The following NTRK3 variants were observed in gnomAD, a reference collection of about 807,000 sequenced individuals.
NTRK3 encodes the protein NT-3 growth factor receptor.
Under a neutral mutation model 91.7 loss-of-function variants are expected in NTRK3, and 24 were observed. That is an observed-to-expected ratio of 0.26 (90% CI 0.19 to 0.37). The LOEUF is 0.37. Ranked by LOEUF, NTRK3 falls within the 10% of genes least tolerant of loss-of-function variation. The probability of loss-of-function intolerance (pLI) is 1.00; values close to 1 mark genes in which losing one functional copy is unlikely to be tolerated. For synonymous variants in NTRK3, 483 were observed against 404.0 expected (o/e 1.20, Z -2.34); for missense variants, 880 against 1,068.9 (o/e 0.82, Z 2.46).
intron 10 of NTRK3, among the ~76,000 whole-genome samples, chr15:88,130,186 C>T (rs187258009): frequency 2.0e-5 from 3 of 152,288 alleles, no homozygotes; most frequent in African/African-American, 4.8e-5. Context: ...CAAACGAATA[C>T]ATGAATTACC....
intron 13 of NTRK3, among the ~76,000 whole-genome samples, chr15:88,087,142 C>T (rs184943335): frequency 4.6e-5 from 7 of 152,284 alleles, no homozygotes; most frequent in African/African-American, 1.2e-4. Flanking sequence ...TAACAATTAA[C>T]GGTACACAGC....
chr15:88,041,945 CAG>C (rs2079667618), intron 13 of NTRK3, among the ~76,000 whole-genome samples: 2 of 151,750 alleles, frequency 1.3e-5, no homozygotes, highest in Admixed American at 1.3e-4. Flanking sequence ...TTCTGTTCCA[CAG>C]AGTCAGATCA....
At chr15:88,245,271 G>A (rs187269197) in intron 3 of NTRK3, among the ~76,000 whole-genome samples, 1 of 152,284 alleles carries the variant, frequency 6.6e-6, no homozygotes, top group East Asian at 1.9e-4. Flanking sequence ...CTTGGCTTCT[G>A]TGGAGCCATC....
intron 17 of NTRK3, among the ~76,000 whole-genome samples, chr15:87,901,868 C>G (rs1181476977): frequency 6.6e-6 from 1 of 151,912 alleles, no homozygotes; most frequent in Non-Finnish European, 1.5e-5. Context: ...AAGTCTTGTA[C>G]CCAAATTATT....
chr15:88,129,557 T>C (rs2053608799), intron 10 of NTRK3, among the ~76,000 whole-genome samples: 1 of 152,332 alleles, frequency 6.6e-6, no homozygotes, highest in African/African-American at 2.4e-5. Context: ...AGCACCCAGA[T>C]GGTGATTGCT....
intron 5 of NTRK3, among the ~76,000 whole-genome samples, 191 bp downstream of exon 5, chr15:88,183,227 C>T (rs138312844): frequency 9.2e-4 from 140 of 152,200 alleles, no homozygotes; most frequent in African/African-American, 3.3e-3. Context: ...TTCCTTCTGA[C>T]AGGAAACTTA....
intron 13 of NTRK3, among the ~76,000 whole-genome samples, chr15:88,045,767 G>T (rs977909198): frequency 1.3e-5 from 2 of 152,170 alleles, no homozygotes; most frequent in African/African-American, 2.4e-5. Flanking sequence ...GCATGTTAAT[G>T]CATCACTCTG....
chr15:88,072,003 TC>T (rs1482364884), intron 13 of NTRK3, among the ~76,000 whole-genome samples: 4 of 146,870 alleles, frequency 2.7e-5, no homozygotes, highest in Non-Finnish European at 4.5e-5. Flanking sequence ...AAATCAAACA[TC>T]TTTTTTTTTT....
At chr15:88,045,164 T>C (rs1320776187) in intron 13 of NTRK3, among the ~76,000 whole-genome samples, 1 of 152,224 alleles carries the variant, frequency 6.6e-6, no homozygotes, top group Non-Finnish European at 1.5e-5. Flanking sequence ...ACCCTGTGTC[T>C]GTGGCAAGGA....
exon 19 of NTRK3, chr15:87,862,683 A>G (rs1404644824): frequency 4.4e-6 from 1 of 229,402 alleles, no homozygotes; most frequent in Non-Finnish European, 8.6e-6. Context: ...ATGTGACAAC[A>G]TGTGCTTCTG....
intron 14 of NTRK3, among the ~76,000 whole-genome samples, chr15:88,010,114 C>T (rs1244189334): frequency 6.6e-6 from 1 of 152,178 alleles, no homozygotes; most frequent in African/African-American, 2.4e-5. Context: ...TGACCAGCCC[C>T]CTCTAGATCC....
intron 13 of NTRK3, among the ~76,000 whole-genome samples, chr15:88,087,115 G>A (rs150067679): frequency 4.3e-4 from 65 of 152,314 alleles, no homozygotes; most frequent in African/African-American, 1.4e-3. Flanking sequence ...TTAACTAAGC[G>A]TGATGTGAGG....
chr15:87,885,650 G>T (rs2141514491), intron 17 of NTRK3, 44 bp downstream of exon 18: 2 of 1,038,946 alleles, frequency 1.9e-6, no homozygotes, highest in Non-Finnish European at 2.8e-6. Flanking sequence ...TAAAGTGTTG[G>T]GACAATGAAC....
In NTRK3 at chr15:87,940,756, G is replaced by A. The variant is rs2142020334; in HGVS notation, c.1586-3C>T. The A allele has an allele frequency of 1.9e-6, 3 of 1,614,152 alleles. No individual in the cohort carries two copies. Among genetic ancestry groups the A allele is most frequent in the East Asian group, 2.2e-5 (1 of 44,862 alleles). ...TCTCCTCTTAATGTGCTGCACATCT[G>A]TAGGATGGGGACAAAGAGGAGGGCA... On this transcript the variant is annotated splice_region_variant and splice_polypyrimidine_tract_variant and intron_variant, in intron 14 of 18. Transcript: ENST00000394480.
At chr15:87,977,326 T>G (rs1253527469) in intron 14 of NTRK3, 1 of 182,318 alleles carries the variant, frequency 5.5e-6, no homozygotes, top group African/African-American at 2.4e-5. Context: ...TTTTGAATGT[T>G]TTTGCAAAAT....
At chr15:88,057,164 G>A (rs1416278387) in intron 13 of NTRK3, among the ~76,000 whole-genome samples, 5 of 126,594 alleles carry the variant, frequency 3.9e-5, no homozygotes, top group East Asian at 2.3e-4. Flanking sequence ...GCGAAACTCC[G>A]TCTCAAAAAA....
At chr15:88,167,427 T>TA (rs2045075740) in intron 5 of NTRK3, among the ~76,000 whole-genome samples, 1 of 152,196 alleles carries the variant, frequency 6.6e-6, no homozygotes, top group Non-Finnish European at 1.5e-5. Context: ...TGAAAAAGTC[T>TA]GAGACCTGGG....
At chr15:87,949,856 T>C (rs1039024081) in intron 14 of NTRK3, among the ~76,000 whole-genome samples, 16 of 152,150 alleles carry the variant, frequency 1.1e-4, no homozygotes, top group Admixed American at 1.0e-3. Flanking sequence ...CCATCTGGAA[T>C]TGTGAAGTTA....
At chr15:87,883,772 TA>T (rs1304917898) in intron 17 of NTRK3, among the ~76,000 whole-genome samples, 2 of 151,288 alleles carry the variant, frequency 1.3e-5, no homozygotes, top group Admixed American at 6.6e-5. Context: ...CAAGAAAGAA[TA>T]ATTTTTTAAA....
Sources: gnomAD v4.1 joint callset for allele counts (sites outside exome capture counted in the v4.1 genomes callset) on GRCh38, gnomAD v4.1.1 for gene constraint, MANE v1.5 for transcripts, NCBI Gene and HGNC (gene_info 2026-07-23, HGNC 2026-07-21) for gene names.